DPYSL5: variants seen among roughly 807,000 people sequenced by gnomAD.
The protein encoded by DPYSL5 is dihydropyrimidinase like 5, also known as dihydropyrimidinase-related protein 5.
DPYSL5 carries 9 observed loss-of-function variants against 58.4 expected under a neutral mutation model. That is an observed-to-expected ratio of 0.15 (90% confidence interval 0.09 to 0.27). The LOEUF is 0.27. DPYSL5 is among the 10% of genes least tolerant of loss of function. The pLI is 1.00. For missense variants in DPYSL5, 499 were observed against 770.6 expected, an observed-to-expected ratio of 0.65 and a Z score of 4.17; for synonymous variants, 293 against 301.9, an observed-to-expected ratio of 0.97 and a Z score of 0.31.
In DPYSL5 at chr2:26,927,418, G is replaced by A; in HGVS notation, c.586G>A (p.Glu196Lys). Residue 196 changes from glutamate to lysine, a missense_variant, in exon 4 of 13, where the codon GAG becomes AAG. Glu to Lys is a moderately conservative substitution (Grantham distance 56). Around this residue, in one of 3 missense-constraint regions of DPYSL5, gnomAD observed 404 missense variants for 647.6 expected, o/e 0.62. Coordinates refer to ENST00000288699, the MANE Select transcript of DPYSL5 (RefSeq NM_020134.4). The surrounding 1 kb of genome is among the most constrained non-coding windows in gnomAD (Gnocchi z 4.3). ...CGCCCGCGTCCATGCTGAAAATGGG[G>A]AGCTTGTGGCCGAGGCAAGTCTGCA... ...AIARVHAENG[E>K]LVAEGAKEAL... 6.2e-7 allele frequency: 1 copy of A among 1,614,044 alleles called. No homozygotes were observed. The highest frequency in any genetic ancestry group is 8.5e-7 in the Non-Finnish European group (1 of 1,179,960).
chr2:26,923,896 G>A (rs1159112365), intron 2 of DPYSL5, among the ~76,000 whole-genome samples: 1 of 152,136 alleles, frequency 6.6e-6, no homozygotes, highest in Non-Finnish European at 1.5e-5. Context: ...TTGACCTCAA[G>A]TGATCCACCC....
At chr2:26,850,047 G>A (rs889702455) in intron 1 of DPYSL5, among the ~76,000 whole-genome samples, 1 of 152,224 alleles carries the variant, frequency 6.6e-6, no homozygotes, top group African/African-American at 2.4e-5. Context: ...TGTCTGCCGA[G>A]GCGGCCGTAG....
chr2:26,894,047 T>C (rs1267144437), intron 1 of DPYSL5, among the ~76,000 whole-genome samples: 2 of 148,710 alleles, frequency 1.3e-5, no homozygotes, highest in African/African-American at 4.9e-5. Flanking sequence ...TAAATATAAA[T>C]ATAACAATTT....
intron 8 of DPYSL5, among the ~76,000 whole-genome samples, chr2:26,935,113 G>C (rs1390312944): frequency 3.3e-5 from 5 of 151,986 alleles, no homozygotes; most frequent in Admixed American, 2.6e-4. Flanking sequence ...CTTCTTGTTG[G>C]CTCCCGTGTG....
intron 1 of DPYSL5, among the ~76,000 whole-genome samples, chr2:26,872,188 G>A (rs1219296364): frequency 6.6e-6 from 1 of 152,204 alleles, no homozygotes; most frequent in Non-Finnish European, 1.5e-5. Flanking sequence ...GGAGAGCAGG[G>A]AGCATGAGTC....
Position 26,877,428 on chromosome 2 carries a change from C to T in DPYSL5, c.-4-21068C>T, listed in dbSNP as rs1195823470. Reference sequence around the variant, plus strand: ...ACATGTAACTCATGGATGCAGGGGACGCACATTGTCTGCATTCCTGTTTTC... The same window carrying T: ...ACATGTAACTCATGGATGCAGGGGATGCACATTGTCTGCATTCCTGTTTTC... On this transcript the variant is annotated intron_variant, in intron 1 of 12. Coordinates refer to ENST00000288699, the MANE Select transcript of DPYSL5 (RefSeq NM_020134.4). The surrounding 1 kb of genome is among the most constrained non-coding windows in gnomAD (Gnocchi z 4.1). Among the ~76,000 whole-genome samples the T allele has an allele frequency of 2.6e-5, 4 of 152,038 alleles. No homozygotes were observed. The highest frequency in any genetic ancestry group is 6.6e-5 in the Admixed American group (1 of 15,254).
At chr2:26,882,480 C>T (rs1663600199) in intron 1 of DPYSL5, among the ~76,000 whole-genome samples, 1 of 151,736 alleles carries the variant, frequency 6.6e-6, no homozygotes, top group African/African-American at 2.4e-5. Flanking sequence ...CAGGGTGTCA[C>T]TATGTTGCCC....
intron 1 of DPYSL5, among the ~76,000 whole-genome samples, chr2:26,865,312 C>CT (rs1192892146): frequency 0.058 from 5,176 of 89,572 alleles, 313 homozygotes; most frequent in Middle Eastern, 0.11. Flanking sequence ...GTTTTGTGTT[C>CT]TTTTTTTTTT....
intron 2 of DPYSL5, among the ~76,000 whole-genome samples, chr2:26,912,173 G>A (rs1664456237): frequency 6.6e-6 from 1 of 152,168 alleles, no homozygotes; most frequent in Admixed American, 6.5e-5. Flanking sequence ...AAGGCCCCTC[G>A]GGCAGATCTT....
At chr2:26,932,204 AAAGAAAAG>A (rs796157148) in intron 6 of DPYSL5, among the ~76,000 whole-genome samples, 10,087 of 69,026 alleles carry the variant, frequency 0.15, 616 homozygotes, top group Middle Eastern at 0.2. Context: ...AGAAAGAAAG[AAAGAAAAG>A]AAAGAAAGAA....
intron 2 of DPYSL5, among the ~76,000 whole-genome samples, chr2:26,909,268 G>A (rs1447392615): frequency 1.3e-5 from 2 of 152,024 alleles, no homozygotes; most frequent in African/African-American, 4.8e-5. Flanking sequence ...CTGTAAGAAC[G>A]TTCTCACTGA....
In DPYSL5 at chr2:26,942,196, C is replaced by A. The variant is rs1665340445; in HGVS notation, c.1232+104C>A. On this transcript the variant is annotated intron_variant, in intron 10 of 12. Transcript: ENST00000288699. This position sits in a 1 kb window ranked among gnomAD's most constrained non-coding sequence, Gnocchi z 5.9. The stretch of plus-strand genomic sequence containing the variant: ...ATATAATTTTGCACTATTTCTAGCA[C>A]AAAATATGGCCCTGGCCTACCGTTG... 6.6e-7 allele frequency: 1 copy of A among 1,522,388 alleles called. No homozygotes were observed. The highest frequency in any genetic ancestry group is 1.3e-5 in the South Asian group (1 of 78,588). The allele number at this position is 1,522,388 out of a possible 1,614,324, so 94.3% of individuals were successfully genotyped here.
intron 5 of DPYSL5, among the ~76,000 whole-genome samples, chr2:26,931,197 GTGTGTGTATATA>G (rs1422192672): frequency 0.017 from 904 of 52,490 alleles, 29 homozygotes; most frequent in African/African-American, 0.052. Context: ...GTGTGTGTGT[GTGTGTGTATATA>G]TATATATATA....
chr2:26,934,582 G>T lies in DPYSL5; in HGVS notation c.795G>T (p.Lys265Asn). The T allele has an allele frequency of 6.2e-7, 1 of 1,612,292 alleles. No individual in the cohort carries two copies. Among genetic ancestry groups the T allele is most frequent in the Non-Finnish European group, 8.5e-7 (1 of 1,179,678 alleles). ...DVIAAAKMQG[K>N]VVLAETTTAH... is the part of the protein sequence containing the mutation. ...TTCTGACCTTTCTTCTTCCAGGGAAGGTTGTGCTGGCGGAGACCACCACTG... is the reference window on the plus strand; with the variant it reads ...TTCTGACCTTTCTTCTTCCAGGGAATGTTGTGCTGGCGGAGACCACCACTG... The change falls in exon 8 of 13, where the codon AAG (lysine) becomes AAT (asparagine). Residue 265 changes from lysine (K) to asparagine (N), a missense_variant. This residue lies in a region of DPYSL5 where 404 missense variants were observed against 647.6 expected (regional missense o/e 0.62). Coordinates refer to ENST00000288699, the MANE Select transcript of DPYSL5 (RefSeq NM_020134.4). This position sits in a 1 kb window ranked among gnomAD's most constrained non-coding sequence, Gnocchi z 4.3.
At chr2:26,916,678 C>T (rs923804168) in intron 2 of DPYSL5, among the ~76,000 whole-genome samples, 3 of 152,212 alleles carry the variant, frequency 2.0e-5, no homozygotes, top group Non-Finnish European at 4.4e-5. Context: ...CAAGTCATGC[C>T]TATCCACCAC....
intron 2 of DPYSL5, among the ~76,000 whole-genome samples, chr2:26,903,764 C>G (rs1158317935): frequency 6.6e-6 from 1 of 152,182 alleles, no homozygotes; most frequent in African/African-American, 2.4e-5. Context: ...TGCAACACCC[C>G]CTAGTTGGGC....
intron 1 of DPYSL5, among the ~76,000 whole-genome samples, chr2:26,879,447 C>T (rs1429921444): frequency 3.4e-5 from 5 of 147,276 alleles, no homozygotes; most frequent in Non-Finnish European, 5.9e-5. Flanking sequence ...ATAGCAAAAC[C>T]CTATCTCTAT....
chr2:26,902,450 A>T (rs987317652), intron 2 of DPYSL5, among the ~76,000 whole-genome samples: 2 of 152,172 alleles, frequency 1.3e-5, no homozygotes, highest in African/African-American at 4.8e-5. Flanking sequence ...GCAAAATAAA[A>T]ATAAATATAG....
At position 26,942,528 on chromosome 2, in the gene DPYSL5, TTGCCTCCC is replaced by T. The variant is rs1420169804; in HGVS notation, c.1233-14_1233-7del. ...GTCCTCAGCGCTTTCTCTCCCGCCA[TTGCCTCCC>T]CACCAGGACCATCTCAGCCAGCACG... On this transcript the variant is annotated splice_region_variant and splice_polypyrimidine_tract_variant and intron_variant, in intron 10 of 12. Transcript: ENST00000288699. The surrounding 1 kb of genome is among the most constrained non-coding windows in gnomAD (Gnocchi z 5.9). 2 of 1,611,512 alleles carry T rather than the reference TTGCCTCCC, an allele frequency of 1.2e-6. No individual in the cohort carries two copies. Among genetic ancestry groups the T allele is most frequent in the African/African-American group, 2.7e-5 (2 of 74,924 alleles).
Sources: gnomAD v4.1 joint callset for allele counts (sites outside exome capture counted in the v4.1 genomes callset) on GRCh38, gnomAD v4.1.1 for gene constraint, gnomAD v4.1.1 regional missense constraint, Gnocchi (gnomAD v3.1) non-coding constraint, MANE v1.5 for transcripts, NCBI Gene and HGNC (gene_info 2026-07-23, HGNC 2026-07-21) for gene names.